Variants in ALCAM observed in about 807,000 individuals in gnomAD.
ALCAM encodes activated leukocyte cell adhesion molecule, also known as CD166 antigen.
In ALCAM, 30 loss-of-function variants were observed where a neutral mutation model predicts 70.9. The ratio of observed to expected loss-of-function variants is 0.42; its 90% CI spans 0.32 to 0.57. The LOEUF is 0.57. ALCAM is among the 20% of genes least tolerant of loss of function. The pLI, the probability that ALCAM is intolerant of heterozygous loss-of-function variation, is 0.11. For missense variants in ALCAM, 591 were observed against 695.1 expected (o/e 0.85, Z 1.68); for synonymous variants, 249 against 242.5 (o/e 1.03, Z -0.25).
intron 1 of ALCAM, among the ~76,000 whole-genome samples, chr3:105,492,526 TCTGA>T (rs1938614895): frequency 6.6e-6 from 1 of 152,240 alleles, no homozygotes; most frequent in African/African-American, 2.4e-5. Context: ...GAGTGATTTC[TCTGA>T]CTATTTAAAT....
At chr3:105,477,939 A>G (rs900066102) in intron 1 of ALCAM, among the ~76,000 whole-genome samples, 2 of 148,556 alleles carry the variant, frequency 1.3e-5, no homozygotes, top group Non-Finnish European at 2.9e-5. Context: ...TCTCAGTAAT[A>G]TATCTTCTGT....
rs983889851 is a variant in ALCAM, at chr3:105,392,715, A to C, written c.73+25234A>C. On this transcript the variant is annotated intron_variant, in intron 1 of 15. Coordinates refer to ENST00000306107, the MANE Select transcript of ALCAM (RefSeq NM_001627.4). Reference sequence around the variant, plus strand: ...TTCTAACTTTTTGATTTGGGCATTTAGTGCTATAAATTTACCTCTTAACAC... The same window carrying C: ...TTCTAACTTTTTGATTTGGGCATTTCGTGCTATAAATTTACCTCTTAACAC... 2.0e-5 allele frequency among the ~76,000 whole-genome samples: 3 copies of C among 152,028 alleles called. No individual in the cohort carries two copies. The East Asian group carries it at 5.8e-4, about 30-fold the overall frequency.
chr3:105,395,224 T>C (rs906496480), intron 1 of ALCAM, among the ~76,000 whole-genome samples: 2 of 151,974 alleles, frequency 1.3e-5, no homozygotes, highest in African/African-American at 2.4e-5. Flanking sequence ...CATTAAAATA[T>C]ATATTTAGTG....
intron 6 of ALCAM, 43 bp from the exon 7 acceptor site, chr3:105,539,932 G>A: frequency 3.1e-6 from 5 of 1,605,176 alleles, no homozygotes; most frequent in Non-Finnish European, 8.5e-7. Context: ...GAGTAATTCG[G>A]TACTTGACAA....
At chr3:105,493,878 C>T (rs1938657895) in intron 1 of ALCAM, among the ~76,000 whole-genome samples, 1 of 152,096 alleles carries the variant, frequency 6.6e-6, no homozygotes, top group Non-Finnish European at 1.5e-5. Context: ...TATTTTTGGC[C>T]TCACAACAAC....
chr3:105,515,363 T>C (rs912274250), intron 1 of ALCAM, among the ~76,000 whole-genome samples: 3 of 152,072 alleles, frequency 2.0e-5, no homozygotes, highest in African/African-American at 7.2e-5. Context: ...AATTTGATAA[T>C]AACCAGATAC....
intron 1 of ALCAM, among the ~76,000 whole-genome samples, chr3:105,384,098 G>C (rs888905891): frequency 6.6e-6 from 1 of 151,562 alleles, no homozygotes; most frequent in African/African-American, 2.4e-5. Context: ...AGAAAATTTG[G>C]AGAAAATCTG....
intron 1 of ALCAM, among the ~76,000 whole-genome samples, chr3:105,417,188 G>A (rs893918682): frequency 1.3e-5 from 2 of 151,592 alleles, no homozygotes; most frequent in East Asian, 3.9e-4. Context: ...AGGCTCTTAT[G>A]TCGCCTGGGT....
chr3:105,427,518 A>C (rs1311863216), intron 1 of ALCAM, among the ~76,000 whole-genome samples: 1 of 151,834 alleles, frequency 6.6e-6, no homozygotes, highest in Admixed American at 6.6e-5. Flanking sequence ...GGGGGAGGAA[A>C]AGAGAGAGGA....
intron 15 of ALCAM, among the ~76,000 whole-genome samples, chr3:105,573,251 C>T (rs994404471): frequency 1.1e-4 from 17 of 152,126 alleles, no homozygotes; most frequent in African/African-American, 3.9e-4. Flanking sequence ...CACTTGAACC[C>T]AAGAGGTGGG....
At chr3:105,551,932 C>T (rs768933278) in intron 12 of ALCAM, among the ~76,000 whole-genome samples, 2 of 150,774 alleles carry the variant, frequency 1.3e-5, no homozygotes, top group Admixed American at 6.6e-5. Flanking sequence ...AGATTAATAT[C>T]TTTGCAGTTG....
At chr3:105,372,813 A>G (rs1409476807) in intron 1 of ALCAM, among the ~76,000 whole-genome samples, 2 of 152,110 alleles carry the variant, frequency 1.3e-5, no homozygotes, top group East Asian at 3.8e-4. Flanking sequence ...AACTGATGCA[A>G]AATCTTGGCC....
chr3:105,370,472 C>A (rs1386373948), intron 1 of ALCAM, among the ~76,000 whole-genome samples: 14 of 152,124 alleles, frequency 9.2e-5, no homozygotes, highest in Non-Finnish European at 5.9e-5. Context: ...AATAAAAAGA[C>A]AGACTAGAGG....
chr3:105,460,756 A>T (rs1305757970), intron 1 of ALCAM, among the ~76,000 whole-genome samples: 2 of 151,972 alleles, frequency 1.3e-5, no homozygotes, highest in African/African-American at 4.8e-5. Context: ...ATGTAGAAAA[A>T]TAAGTGAAAA....
Position 105,520,052 on chromosome 3 carries a change from T to G in ALCAM, c.74-15T>G. 6.5e-7 allele frequency: 1 copy of G among 1,533,392 alleles called. No homozygotes were observed. The highest frequency in any genetic ancestry group is 8.9e-7 in the Non-Finnish European group (1 of 1,125,838). 95.0% of individuals were successfully genotyped at this position (1,533,392 alleles called of 1,614,324 possible). A position where few individuals can be genotyped will look rare whatever the true frequency, so the allele number is the denominator to read the frequency against. On this transcript the variant is annotated splice_polypyrimidine_tract_variant and intron_variant, in intron 1 of 15. Transcript: ENST00000306107. ...CTCTCTTTCTCTCTTCTTCCTTTTT[T>G]TTTTTCCCCCAAAGGCCTTGGATGG...
At chr3:105,371,105 T>C (rs1447925765) in intron 1 of ALCAM, among the ~76,000 whole-genome samples, 3 of 152,166 alleles carry the variant, frequency 2.0e-5, no homozygotes, top group Non-Finnish European at 4.4e-5. Flanking sequence ...TTGTAAAAAA[T>C]TCAAACTAGC....
Position 105,367,404 on chromosome 3 carries a change from G to T in ALCAM, c.-5G>T, listed in dbSNP as rs750691802. 9.9e-6 allele frequency: 16 copies of T among 1,613,766 alleles called. No homozygotes were observed. In the South Asian group the frequency reaches 1.1e-4, roughly 11 times the overall value. ...GTCAGTGGCCCACCAAGAAGGAGGAGGAATATGGAATCCAAGGGGGCCAGT... is the reference window on the plus strand; with the variant it reads ...GTCAGTGGCCCACCAAGAAGGAGGATGAATATGGAATCCAAGGGGGCCAGT... On this transcript the variant is annotated 5_prime_UTR_variant, in exon 1 of 16. It adds an upstream start codon to the 5' untranslated region. Transcript: ENST00000306107.
At chr3:105,392,554 G>C (rs1044386722) in intron 1 of ALCAM, among the ~76,000 whole-genome samples, 27 of 150,860 alleles carry the variant, frequency 1.8e-4, no homozygotes, top group Admixed American at 5.9e-4. Flanking sequence ...TTTTTTGAAG[G>C]GTTTTTTTAT....
At chr3:105,407,218 C>T (rs1041807490) in intron 1 of ALCAM, among the ~76,000 whole-genome samples, 1 of 151,794 alleles carries the variant, frequency 6.6e-6, no homozygotes, top group Non-Finnish European at 1.5e-5. Context: ...GTCACTATCA[C>T]CCTAATACCA....
Sources: allele counts gnomAD v4.1 joint callset (sites outside exome capture counted in the v4.1 genomes callset), GRCh38; gene constraint gnomAD v4.1.1; transcripts MANE v1.5; gene names NCBI Gene and HGNC (gene_info 2026-07-23, HGNC 2026-07-21).